DRC3: variants seen among roughly 807,000 people sequenced by gnomAD.
The protein encoded by DRC3 is leucine rich repeat containing 48.
Under a neutral mutation model 57.6 loss-of-function variants are expected in DRC3, and 45 were observed. The ratio of observed to expected loss-of-function variants is 0.78; its 90% CI spans 0.62 to 1.00. The LOEUF (loss-of-function observed/expected upper bound fraction) is 1.00, where lower values mean the gene tolerates loss of function less well. Among genes scored for constraint, DRC3 ranks in the 50% least tolerant of loss-of-function variants. DRC3 has a pLI of 0.00. For missense variants in DRC3, 655 were observed against 675.2 expected (o/e 0.97, Z 0.33); for synonymous variants, 257 against 272.3 (o/e 0.94, Z 0.55).
Position 18,016,784 on chromosome 17 carries a change from G to A in DRC3, c.*113G>A, listed in dbSNP as rs974912546. The stretch of plus-strand genomic sequence containing the variant: ...GAGAGTTGCTGGGCATCTCTCAACC[G>A]CGATCCCCAACACCATTCTTCCCCC... On this transcript the variant is annotated 3_prime_UTR_variant, in exon 14 of 14. Coordinates refer to ENST00000399187, the MANE Select transcript of DRC3 (RefSeq NM_031294.4). 16 of 588,986 alleles carry A rather than the reference G, an allele frequency of 2.7e-5. No homozygotes were observed. The highest frequency in any genetic ancestry group is 6.8e-5 in the South Asian group (3 of 44,102). 36.5% of individuals were successfully genotyped at this position (588,986 alleles called of 1,614,324 possible).
chr17:18,016,097 G>A lies in DRC3; in HGVS notation c.1360G>A (p.Val454Ile), dbSNP rs1239047026. 1.2e-6 allele frequency: 2 copies of A among 1,613,952 alleles called. No individual in the cohort carries two copies. Among genetic ancestry groups the A allele is most frequent in the Non-Finnish European group, 1.7e-6 (2 of 1,179,876 alleles). The change falls in exon 13 of 14, where the codon GTC becomes ATC. Residue 454 changes from valine to isoleucine, a missense_variant. Physicochemically the swap from Val to Ile is conservative, Grantham distance 29 (BLOSUM62 3). Transcript: ENST00000399187. ...FVDKDTIVNAVGASHDIHLLK... is the reference protein window; with the variant it reads ...FVDKDTIVNAIGASHDIHLLK... ...CGATAAAGATACGATTGTTAATGCT[G>A]TCGGGGCATCGCACGACATCCACCT...
intron 4 of DRC3, among the ~76,000 whole-genome samples, chr17:17,986,465 C>T (rs2042962645): frequency 6.7e-6 from 1 of 148,404 alleles, no homozygotes; most frequent in Non-Finnish European, 1.5e-5. Flanking sequence ...TCCCAAATCA[C>T]CTTTTTTTTT....
chr17:17,982,212 C>G (rs1215611643), intron 3 of DRC3, among the ~76,000 whole-genome samples: 1 of 151,488 alleles, frequency 6.6e-6, no homozygotes, highest in African/African-American at 2.4e-5. Flanking sequence ...AGGATGGTCT[C>G]CATCTCTTTT....
At chr17:17,982,402 A>C (rs1264522731) in intron 3 of DRC3, among the ~76,000 whole-genome samples, 1 of 150,520 alleles carries the variant, frequency 6.6e-6, no homozygotes, top group Non-Finnish European at 1.5e-5. Flanking sequence ...TTTTTAGGAG[A>C]GACAGGGTTT....
chr17:17,986,464 AC>A (rs1324151872), intron 4 of DRC3, among the ~76,000 whole-genome samples: 1 of 119,342 alleles, frequency 8.4e-6, no homozygotes, highest in African/African-American at 3.2e-5. Flanking sequence ...CTCCCAAATC[AC>A]CTTTTTTTTT....
intron 9 of DRC3, among the ~76,000 whole-genome samples, chr17:17,999,551 G>C (rs908960779): frequency 6.6e-5 from 10 of 152,090 alleles, no homozygotes; most frequent in Admixed American, 6.5e-4. Context: ...TCCCCATTAG[G>C]CCTCATCCAT....
At chr17:18,000,236 G>T in intron 9 of DRC3, among the ~76,000 whole-genome samples, 2 of 123,338 alleles carry the variant, frequency 1.6e-5, no homozygotes, top group African/African-American at 3.3e-5. Flanking sequence ...TCTGTACTTT[G>T]CTTTCACGTG....
In DRC3 at chr17:18,004,785, G is replaced by A. The variant is rs138127795; in HGVS notation, c.1131+291G>A. The A allele has an allele frequency of 2.4e-4, 85 of 347,312 alleles. No homozygotes were observed. The East Asian group carries it at 3.3e-3, about 14-fold the overall frequency. The allele number at this position is 347,312 out of a possible 1,614,324, so 21.5% of individuals were successfully genotyped here. On this transcript the variant is annotated intron_variant, in intron 10 of 13. Coordinates refer to ENST00000399187, the MANE Select transcript of DRC3 (RefSeq NM_031294.4). The stretch of plus-strand genomic sequence containing the variant: ...TTTGATTAGACCCCTGGAGCTATCC[G>A]GGTACTCTAAAGGCAAAGCGCACCC...
chr17:17,976,986 G>A (rs908345912), intron 2 of DRC3, among the ~76,000 whole-genome samples: 6 of 152,170 alleles, frequency 3.9e-5, no homozygotes, highest in African/African-American at 9.7e-5. Context: ...AGCCAGCTCC[G>A]ATGGGCACTC....
intron 3 of DRC3, among the ~76,000 whole-genome samples, chr17:17,982,142 G>GCA (rs2042724346): frequency 6.6e-6 from 1 of 151,632 alleles, no homozygotes; most frequent in Admixed American, 6.6e-5. Flanking sequence ...ACAAGCGCGT[G>GCA]TCACCACGCC....
In DRC3 at chr17:17,981,342, G is replaced by A. The variant is rs935187791; in HGVS notation, c.161-2486G>A. Reference sequence around the variant, plus strand: ...CCCTGCAGACGGGACAGCCTCTCATGATGGCGATGGCATTGGCAGGGTACC... The same window carrying A: ...CCCTGCAGACGGGACAGCCTCTCATAATGGCGATGGCATTGGCAGGGTACC... On this transcript the variant is annotated intron_variant, in intron 3 of 13. Coordinates refer to ENST00000399187, the MANE Select transcript of DRC3 (RefSeq NM_031294.4). The A allele has an allele frequency of 3.0e-5, 7 of 231,932 alleles. No homozygotes were observed. In the Admixed American group the frequency reaches 3.1e-4, roughly 10 times the overall value. 14.4% of individuals were successfully genotyped at this position (231,932 alleles called of 1,614,324 possible). A position where few individuals can be genotyped will look rare whatever the true frequency, so the allele number is the denominator to read the frequency against.
rs2042828904 is a variant in DRC3 at position 17,983,844 on chromosome 17, C to T, written c.177C>T (p.Asp59=). 2 of 1,612,916 alleles carry T rather than the reference C, an allele frequency of 1.2e-6. No homozygotes were observed. Among genetic ancestry groups the T allele is most frequent in the Non-Finnish European group, 1.7e-6 (2 of 1,179,086 alleles). Residue 59 remains aspartate, a synonymous_variant, in exon 4 of 14, where the codon GAC becomes GAT. Coordinates refer to ENST00000399187, the MANE Select transcript of DRC3 (RefSeq NM_031294.4). ...QLDFRNILRI[D]NLWQFENLRK... is the part of the protein sequence containing the mutation. ...TTATTTCAGACATCCTCCGCATAGA[C>T]AACCTCTGGCAGTTTGAGAACTTGA...
rs1172448967 is a variant in DRC3 at position 17,995,097 on chromosome 17, T to C, written c.810T>C (p.Gly270=). The change falls in exon 8 of 14, where the codon GGT becomes GGC. Residue 270 remains glycine, a synonymous_variant. Transcript: ENST00000399187. ...ATCTGTCCTACCTGCCTGGTGTCGG[T>C]GAGCTCCTTGAGACATATCCTTCTG... ...GNNLSYLPGV[G]ELLETYKDKF... is the part of the protein sequence containing the mutation. 2 of 1,612,488 alleles carry C rather than the reference T, an allele frequency of 1.2e-6. No individual in the cohort carries two copies. The highest frequency in any genetic ancestry group is 2.2e-5 in the South Asian group (2 of 91,048).
chr17:18,006,879 G>A (rs1227240051), intron 11 of DRC3, 145 bp from the exon 12 acceptor site: 7 of 1,333,728 alleles, frequency 5.2e-6, no homozygotes, highest in Non-Finnish European at 2.0e-6. Flanking sequence ...AAGGCCCAGG[G>A]TTCGGAGCTT....
rs2145322879 is a variant in DRC3 at position 17,992,318 on chromosome 17, A to T, written c.445-447A>T. Among the ~76,000 whole-genome samples, 3 of 152,354 alleles carry T rather than the reference A, an allele frequency of 2.0e-5. No individual in the cohort carries two copies. The South Asian group carries it at 6.2e-4, about 32-fold the overall frequency. On this transcript the variant is annotated intron_variant, in intron 5 of 13. Transcript: ENST00000399187. ...AAATTTAAAAGATTTTTAAAAAATAAATAGAAGGGTATGCCTATGCTGGTA... is the reference window on the plus strand; with the variant it reads ...AAATTTAAAAGATTTTTAAAAAATATATAGAAGGGTATGCCTATGCTGGTA...
intron 11 of DRC3, chr17:18,006,531 C>A (rs1370544867): frequency 3.3e-5 from 17 of 516,372 alleles, no homozygotes; most frequent in Non-Finnish European, 6.0e-5. Flanking sequence ...GTTGAGGCAA[C>A]CCCCACGTGG....
chr17:17,989,542 A>G, intron 5 of DRC3: 1 of 152,790 alleles, frequency 6.5e-6, no homozygotes, highest in Non-Finnish European at 1.5e-5. Context: ...AAGCAGAGGT[A>G]AGGCAGGGAC....
chr17:18,004,325 T>C (rs774072908), intron 9 of DRC3, 38 bp from the exon 10 acceptor site: 2 of 1,574,352 alleles, frequency 1.3e-6, no homozygotes, highest in Admixed American at 3.7e-5. Context: ...TAATTACACT[T>C]AGTTGTTGAT....
rs12950232 is a variant in DRC3, at chr17:18,010,950, G to T, written c.1326+3803G>T. ...CTCTCAAGGATGAGGTTTTTTTTTTGTTTGTTTGTTTGTTTGTTTGTTTTT... is the reference window on the plus strand; with the variant it reads ...CTCTCAAGGATGAGGTTTTTTTTTTTTTTGTTTGTTTGTTTGTTTGTTTTT... On this transcript the variant is annotated intron_variant, in intron 12 of 13. Coordinates refer to ENST00000399187, the MANE Select transcript of DRC3 (RefSeq NM_031294.4). 8.3e-3 allele frequency: 1,763 copies of T among 211,842 alleles called. 14 individuals carry two copies. The highest frequency in any genetic ancestry group is 0.041 in the East Asian group (234 of 5,672). The allele number at this position is 211,842 out of a possible 1,614,324, so 13.1% of individuals were successfully genotyped here. A position where few individuals can be genotyped will look rare whatever the true frequency, so the allele number is the denominator to read the frequency against.
Sources: gnomAD v4.1 joint callset for allele counts (sites outside exome capture counted in the v4.1 genomes callset) on GRCh38, gnomAD v4.1.1 for gene constraint, MANE v1.5 for transcripts, NCBI Gene and HGNC (gene_info 2026-07-23, HGNC 2026-07-21) for gene names.